Variants in ADAMTS19 observed in about 807,000 individuals in gnomAD.
ADAMTS19 encodes the protein ADAM metallopeptidase with thrombospondin type 1 motif 19.
A neutral mutation model predicts 153.3 loss-of-function variants in ADAMTS19; 93 were observed. That is an observed-to-expected ratio of 0.61 (90% CI 0.51 to 0.72). The LOEUF is 0.72. Ranked by LOEUF, ADAMTS19 falls within the 30% of genes least tolerant of loss-of-function variation. The probability of loss-of-function intolerance (pLI) is 0.00; values close to 1 mark genes in which losing one functional copy is unlikely to be tolerated. For missense variants in ADAMTS19, 1,482 were observed against 1,552.1 expected, an observed-to-expected ratio of 0.95 and a Z score of 0.76; for synonymous variants, 600 against 556.6, an observed-to-expected ratio of 1.08 and a Z score of -1.10.
intron 16 of ADAMTS19, among the ~76,000 whole-genome samples, chr5:129,669,840 T>G (rs1161779063): frequency 1.3e-5 from 2 of 152,120 alleles, no homozygotes; most frequent in Non-Finnish European, 2.9e-5. Context: ...TTGCATTGGT[T>G]GTTAGTGTGT....
At chr5:129,496,793 A>T (rs981978372) in intron 2 of ADAMTS19, among the ~76,000 whole-genome samples, 17 of 152,128 alleles carry the variant, frequency 1.1e-4, no homozygotes, top group African/African-American at 4.1e-4. Context: ...TAGGTGTACA[A>T]TTGAATACAC....
chr5:129,528,447 ATTG>A (rs948792258), intron 5 of ADAMTS19, 70 bp from the exon 6 acceptor site: 899 of 1,186,552 alleles, frequency 7.6e-4, no homozygotes, highest in South Asian at 1.1e-3. Flanking sequence ...TGCCTTTGTT[ATTG>A]TTGTTGTTGT....
rs1406206303 is a variant in ADAMTS19, at chr5:129,546,659, A to G, written c.1329-5205A>G. ...CTATTCAGTTATGAATACATGCAAA[A>G]TAATAAAAATGAAAGCAAAAGAAAA... On this transcript the variant is annotated intron_variant, in intron 6 of 22. Coordinates refer to ENST00000274487, the MANE Select transcript of ADAMTS19 (RefSeq NM_133638.6). Among the ~76,000 whole-genome samples the G allele has an allele frequency of 4.6e-5, 7 of 151,168 alleles. 1 individual carries two copies. Among genetic ancestry groups the G allele is most frequent in the South Asian group, 4.1e-4 (2 of 4,830 alleles).
Position 129,460,340 on chromosome 5 carries a change from A to G in ADAMTS19, c.-52A>G. ...GGGAGGCCGCTGCGCCCCGGAGTGGATCGCGCTGGAGGCGTGCGCCGGGCG... is the reference window on the plus strand; with the variant it reads ...GGGAGGCCGCTGCGCCCCGGAGTGGGTCGCGCTGGAGGCGTGCGCCGGGCG... On this transcript the variant is annotated 5_prime_UTR_variant, in exon 1 of 23. Transcript: ENST00000274487. The G allele has an allele frequency of 2.2e-6, 3 of 1,351,010 alleles. No homozygotes were observed. Among genetic ancestry groups the G allele is most frequent in the Non-Finnish European group, 3.0e-6 (3 of 1,006,022 alleles). 83.7% of individuals were successfully genotyped at this position (1,351,010 alleles called of 1,614,324 possible).
chr5:129,539,677 T>C (rs547888075), intron 6 of ADAMTS19, among the ~76,000 whole-genome samples: 4 of 152,256 alleles, frequency 2.6e-5, no homozygotes, highest in South Asian at 4.1e-4. Context: ...CTTTCTAATT[T>C]TTTGCTGTTA....
chr5:129,647,729 C>A (rs1464943741), intron 11 of ADAMTS19, 36 bp from the exon 12 acceptor site: 2 of 1,604,356 alleles, frequency 1.2e-6, no homozygotes, highest in Admixed American at 1.7e-5. Context: ...CAGTTGTGCC[C>A]TGATTTGTTC....
rs184395766 is a variant in ADAMTS19 at position 129,537,752 on chromosome 5, A to T, written c.1328+9075A>T. ...GAGAACACATGGACACAGGAAGGGG[A>T]ACATCACACACTGGGGCCTGTTGTG... On this transcript the variant is annotated intron_variant, in intron 6 of 22. Coordinates refer to ENST00000274487, the MANE Select transcript of ADAMTS19 (RefSeq NM_133638.6). Among the ~76,000 whole-genome samples, 496 of 152,034 alleles carry T rather than the reference A, an allele frequency of 3.3e-3. 13 individuals carry two copies. Among genetic ancestry groups the T allele is most frequent in the Admixed American group, 0.025 (387 of 15,230 alleles).
intron 8 of ADAMTS19, among the ~76,000 whole-genome samples, chr5:129,613,641 C>T (rs1343424909): frequency 6.6e-6 from 1 of 152,068 alleles, no homozygotes. Context: ...GAAGCAAGAG[C>T]AAACACATTC....
Position 129,641,875 on chromosome 5 carries a change from G to T in ADAMTS19, c.1787G>T (p.Gly596Val), listed in dbSNP as rs1026040174. 1.9e-6 allele frequency: 3 copies of T among 1,598,400 alleles called. No homozygotes were observed. Among genetic ancestry groups the T allele is most frequent in the African/African-American group, 1.4e-5 (1 of 73,990 alleles). Reference protein sequence around the residue: ...CQEMQHVICTGLWCKVEGEKE... With the variant: ...CQEMQHVICTVLWCKVEGEKE... ...TGTTTTCAGCATGTTATTTGCACAG[G>T]ATTATGGTGCAAGGTAGAAGGTGAG... The change falls in exon 11 of 23, where the codon GGA becomes GTA. Residue 596 changes from glycine to valine, a missense_variant. Physicochemically the swap from Gly to Val is moderately radical, Grantham distance 109. Transcript: ENST00000274487.
At chr5:129,642,008 T>G (rs770159717) in intron 11 of ADAMTS19, 48 bp downstream of exon 11, 1 of 1,182,650 alleles carries the variant, frequency 8.5e-7, no homozygotes, top group South Asian at 1.5e-5. Flanking sequence ...TAGATGAAAC[T>G]TGAGAATCTT....
intron 18 of ADAMTS19, among the ~76,000 whole-genome samples, chr5:129,687,946 A>G (rs764450491): frequency 3.3e-5 from 5 of 152,216 alleles, no homozygotes; most frequent in Non-Finnish European, 5.9e-5. Context: ...CACAACTCCT[A>G]TATGATTTGT....
At chr5:129,654,510 G>T (rs1753459166) in intron 14 of ADAMTS19, 77 bp downstream of exon 14, 2 of 1,490,790 alleles carry the variant, frequency 1.3e-6, no homozygotes, top group South Asian at 1.2e-5. Flanking sequence ...TCACAGCATG[G>T]TGGAAAGCTT....
intron 10 of ADAMTS19, among the ~76,000 whole-genome samples, chr5:129,638,997 A>G (rs1752675944): frequency 6.6e-6 from 1 of 152,210 alleles, no homozygotes; most frequent in Non-Finnish European, 1.5e-5. Flanking sequence ...TTCTTTTAAT[A>G]AACTCTTTTT....
At chr5:129,494,056 C>G (rs180831230) in intron 2 of ADAMTS19, among the ~76,000 whole-genome samples, 1 of 151,658 alleles carries the variant, frequency 6.6e-6, no homozygotes, top group East Asian at 1.9e-4. Flanking sequence ...TTATAAAGTC[C>G]GTATGTATGC....
intron 21 of ADAMTS19, among the ~76,000 whole-genome samples, chr5:129,716,396 G>A (rs1443663639): frequency 1.3e-5 from 2 of 151,754 alleles, no homozygotes; most frequent in African/African-American, 2.4e-5. Flanking sequence ...ATGGGGTTTT[G>A]CCATGTTTCT....
At chr5:129,729,606 T>C (rs1307191407) in intron 21 of ADAMTS19, among the ~76,000 whole-genome samples, 1 of 152,006 alleles carries the variant, frequency 6.6e-6, no homozygotes, top group Admixed American at 6.6e-5. Context: ...GAATTTCCAT[T>C]ATTTCTTGGA....
chr5:129,571,843 A>C (rs573904148), intron 7 of ADAMTS19, among the ~76,000 whole-genome samples: 82 of 151,806 alleles, frequency 5.4e-4, no homozygotes, highest in African/African-American at 1.7e-3. Flanking sequence ...AGATTCCAGA[A>C]ATAGATCCAC....
At chr5:129,538,439 T>TA (rs1752538765) in intron 6 of ADAMTS19, among the ~76,000 whole-genome samples, 1 of 152,018 alleles carries the variant, frequency 6.6e-6, no homozygotes, top group South Asian at 2.1e-4. Context: ...TTCAAAACTC[T>TA]AAAAAAAGCT....
At chr5:129,555,372 C>T (rs983995419) in intron 7 of ADAMTS19, among the ~76,000 whole-genome samples, 5 of 152,056 alleles carry the variant, frequency 3.3e-5, no homozygotes, top group Admixed American at 6.6e-5. Context: ...TTTTCATGGA[C>T]ATTATCTCAT....
Sources: allele counts gnomAD v4.1 joint callset (sites outside exome capture counted in the v4.1 genomes callset), GRCh38; gene constraint gnomAD v4.1.1; transcripts MANE v1.5; gene names NCBI Gene and HGNC (gene_info 2026-07-23, HGNC 2026-07-21).